Variants in CDH23 observed in about 807,000 individuals in gnomAD.
CDH23 encodes cadherin-23.
Under a neutral mutation model 317.1 loss-of-function variants are expected in CDH23, and 189 were observed. The ratio of observed to expected loss-of-function variants is 0.60; its 90% CI spans 0.53 to 0.67. The LOEUF is 0.67. CDH23 is among the 30% of genes least tolerant of loss of function. The pLI is 0.00. For missense variants in CDH23, 4,401 were observed against 4,592.4 expected, an observed-to-expected ratio of 0.96 and a Z score of 1.20; for synonymous variants, 1,839 against 1,876.8, an observed-to-expected ratio of 0.98 and a Z score of 0.52.
At chr10:71,520,952 G>A (rs1037145552) in intron 6 of CDH23, among the ~76,000 whole-genome samples, 1 of 152,180 alleles carries the variant, frequency 6.6e-6, no homozygotes, top group Admixed American at 6.5e-5. Flanking sequence ...AGCGAGCTTT[G>A]GGTTGATGGA....
chr10:71,577,219 G>A (rs758025172), intron 8 of CDH23, among the ~76,000 whole-genome samples: 5 of 152,066 alleles, frequency 3.3e-5, no homozygotes, highest in African/African-American at 4.8e-5. Context: ...CCAAGAACGC[G>A]TTCCCCTGGC....
intron 18 of CDH23, among the ~76,000 whole-genome samples, chr10:71,682,893 T>C (rs1264221291): frequency 2.6e-5 from 4 of 152,156 alleles, no homozygotes; most frequent in Non-Finnish European, 5.9e-5. Context: ...GAGGAGGAAA[T>C]GTCGTGGGCT....
At chr10:71,507,176 G>A (rs1028417341) in intron 3 of CDH23, among the ~76,000 whole-genome samples, 1 of 152,316 alleles carries the variant, frequency 6.6e-6, no homozygotes, top group Admixed American at 6.5e-5. Context: ...GCTGCAGGCT[G>A]CCATGGACTC....
intron 6 of CDH23, among the ~76,000 whole-genome samples, chr10:71,519,767 T>A (rs1020981863): frequency 6.6e-6 from 1 of 152,144 alleles, no homozygotes; most frequent in African/African-American, 2.4e-5. Context: ...TATTACCTTT[T>A]TTCTTTTCTT....
chr10:71,489,275 A>T (rs909776569), intron 3 of CDH23, among the ~76,000 whole-genome samples: 7 of 151,776 alleles, frequency 4.6e-5, no homozygotes, highest in East Asian at 1.9e-4. Context: ...TCCATCTCTA[A>T]CCCCTCTGTG....
At position 71,734,338 on chromosome 10, in the gene CDH23, C is replaced by T. The variant is rs202166096; in HGVS notation, c.4203C>T (p.Thr1401=). The part of the protein sequence containing the change: ...ADDGGPKVDS[T]VKVYITVLDE... ...ACGGCGGCCCCAAGGTGGACTCCAC[C>T]GTGGTGAGTGGGACCAGGGTGAGAG... The change falls in exon 33 of 70, where the codon ACC becomes ACT. Residue 1401 remains threonine, a synonymous_variant. Transcript: ENST00000224721. 1,388 of 1,606,092 alleles carry T rather than the reference C, an allele frequency of 8.6e-4. 6 individuals carry two copies. The East Asian group carries it at 0.015, about 18-fold the overall frequency.
chr10:71,682,343 G>C, intron 17 of CDH23, 102 bp from the exon 18 acceptor site: 3 of 1,474,346 alleles, frequency 2.0e-6, no homozygotes, highest in Non-Finnish European at 2.8e-6. Context: ...GAGCTGGCCC[G>C]GGCCATGCCA....
chr10:71,806,929 C>G (rs559024040), intron 57 of CDH23, among the ~76,000 whole-genome samples: 6 of 152,328 alleles, frequency 3.9e-5, no homozygotes, highest in African/African-American at 1.4e-4. Context: ...CTGTGGACTC[C>G]AACTCTGACA....
chr10:71,741,984 A>T (rs1839749243), intron 38 of CDH23, 63 bp downstream of exon 38: 3 of 1,308,136 alleles, frequency 2.3e-6, no homozygotes, highest in Admixed American at 4.2e-5. Flanking sequence ...CCTCCGAGTG[A>T]GGGGAACAAG....
intron 25 of CDH23, 107 bp downstream of exon 25, chr10:71,705,237 C>A (rs1589353798): frequency 9.5e-7 from 1 of 1,049,188 alleles, no homozygotes; most frequent in Non-Finnish European, 1.4e-6. Flanking sequence ...GTCTATTGGA[C>A]TTGTAGGCAC....
chr10:71,814,561 A>G (rs1479383436), intron 69 of CDH23, among the ~76,000 whole-genome samples: 2 of 152,360 alleles, frequency 1.3e-5, no homozygotes, highest in South Asian at 2.1e-4. Flanking sequence ...TGGGAGGCTG[A>G]GGCCGGAGAA....
In CDH23 at chr10:71,677,710, C is replaced by A; in HGVS notation, c.1752+17C>A. ...CGGCTCCGGGTAAGGTGCCAGGGAG[C>A]CCTGCACTCCTGCCATTTATCTTAG... is the stretch of plus-strand genomic sequence containing the variant. On this transcript the variant is annotated intron_variant, in intron 16 of 69. Transcript: ENST00000224721. 1 of 1,530,574 alleles carries A rather than the reference C, an allele frequency of 6.5e-7. No homozygotes were observed. The highest frequency in any genetic ancestry group is 1.2e-5 in the South Asian group (1 of 83,764). The allele number at this position is 1,530,574 out of a possible 1,614,324, so 94.8% of individuals were successfully genotyped here.
intron 6 of CDH23, among the ~76,000 whole-genome samples, chr10:71,546,785 C>T (rs148334347): frequency 6.6e-6 from 1 of 152,320 alleles, no homozygotes; most frequent in Non-Finnish European, 1.5e-5. Flanking sequence ...TGTCACACCT[C>T]CTGACATGAA....
At chr10:71,777,315 G>A (rs1840836542) in intron 38 of CDH23, among the ~76,000 whole-genome samples, 1 of 152,188 alleles carries the variant, frequency 6.6e-6, no homozygotes. Flanking sequence ...GCTCTGAGCT[G>A]GGGTGACTAC....
intron 40 of CDH23, 126 bp downstream of exon 40, chr10:71,778,434 C>G (rs1014008326): frequency 5.6e-6 from 7 of 1,246,630 alleles, no homozygotes; most frequent in Middle Eastern, 2.6e-4. Context: ...TCCAAGACCC[C>G]TGTCCTAATC....
At chr10:71,521,226 A>C (rs1854659289) in intron 6 of CDH23, among the ~76,000 whole-genome samples, 1 of 151,422 alleles carries the variant, frequency 6.6e-6, no homozygotes, top group South Asian at 2.1e-4. Context: ...CCTCCCAGGC[A>C]TGGGGCACTG....
intron 3 of CDH23, among the ~76,000 whole-genome samples, chr10:71,484,816 G>A (rs893244269): frequency 4.6e-5 from 7 of 152,006 alleles, no homozygotes; most frequent in Admixed American, 2.6e-4. Context: ...AGTTTGCTGG[G>A]GTTTTATTAC....
intron 38 of CDH23, among the ~76,000 whole-genome samples, chr10:71,757,021 G>T (rs537409915): frequency 6.0e-4 from 91 of 152,346 alleles, no homozygotes; most frequent in Admixed American, 1.2e-3. Context: ...ATTACAGCAG[G>T]TTCCCTGCAG....
intron 38 of CDH23, among the ~76,000 whole-genome samples, chr10:71,765,250 TG>T (rs1840506750): frequency 6.6e-6 from 1 of 152,256 alleles, no homozygotes; most frequent in African/African-American, 2.4e-5. Flanking sequence ...ACCCCAGGGC[TG>T]GGAGCTGAAT....
Sources: gnomAD v4.1 joint callset for allele counts (sites outside exome capture counted in the v4.1 genomes callset) on GRCh38, gnomAD v4.1.1 for gene constraint, MANE v1.5 for transcripts, NCBI Gene and HGNC (gene_info 2026-07-23, HGNC 2026-07-21) for gene names.